Variants in CCDC60 observed in about 807,000 individuals in gnomAD.
CCDC60 encodes coiled-coil domain containing 60.
A neutral mutation model predicts 63.5 loss-of-function variants in CCDC60; 54 were observed. The ratio of observed to expected loss-of-function variants is 0.85; its 90% CI spans 0.68 to 1.07. The LOEUF is 1.07. Ranked by LOEUF, CCDC60 falls within the 50% of genes least tolerant of loss-of-function variation. CCDC60 has a pLI of 0.00. For synonymous variants in CCDC60, 206 were observed against 238.8 expected, an observed-to-expected ratio of 0.86 and a Z score of 1.27; for missense variants, 651 against 684.3, an observed-to-expected ratio of 0.95 and a Z score of 0.54.
intron 1 of CCDC60, among the ~76,000 whole-genome samples, chr12:119,426,261 A>G (rs1489681781): frequency 1.3e-5 from 2 of 151,912 alleles, no homozygotes; most frequent in African/African-American, 2.4e-5. Flanking sequence ...TTCCTATCCA[A>G]TTGGCCTGAT....
intron 2 of CCDC60, among the ~76,000 whole-genome samples, chr12:119,446,344 T>C (rs1950541735): frequency 6.6e-6 from 1 of 151,956 alleles, no homozygotes; most frequent in Non-Finnish European, 1.5e-5. Context: ...AGCACAAGGA[T>C]TGGGTGGAGA....
intron 1 of CCDC60, among the ~76,000 whole-genome samples, chr12:119,338,675 T>A (rs1193605649): frequency 6.6e-6 from 1 of 152,214 alleles, no homozygotes; most frequent in Non-Finnish European, 1.5e-5. Context: ...AATCATTGGC[T>A]TCAAATAGCT....
intron 1 of CCDC60, among the ~76,000 whole-genome samples, chr12:119,380,166 A>G (rs1357249389): frequency 6.6e-6 from 1 of 152,204 alleles, no homozygotes; most frequent in African/African-American, 2.4e-5. Flanking sequence ...TTAGATATAA[A>G]TCCCTTGGAA....
At chr12:119,373,679 T>C in intron 1 of CCDC60, among the ~76,000 whole-genome samples, 2 of 143,240 alleles carry the variant, frequency 1.4e-5, no homozygotes, top group African/African-American at 2.5e-5. Flanking sequence ...GGGGGGGGTC[T>C]CAGTTCCCTT....
At position 119,370,845 on chromosome 12, in the gene CCDC60, T is replaced by A. The variant is rs575416383; in HGVS notation, c.90+35579T>A. ...GAGTTTGAGACCAGCCTGGGCAACA[T>A]AGTGAGACCCCATCTCTACAAAATA... On this transcript the variant is annotated intron_variant, in intron 1 of 13. Transcript: ENST00000327554. Among the ~76,000 whole-genome samples the A allele has an allele frequency of 3.9e-5, 6 of 151,966 alleles. No individual in the cohort carries two copies. The East Asian group carries it at 1.2e-3, about 29-fold the overall frequency.
At chr12:119,464,921 A>T (rs1950923411) in intron 2 of CCDC60, among the ~76,000 whole-genome samples, 1 of 152,228 alleles carries the variant, frequency 6.6e-6, no homozygotes, top group Non-Finnish European at 1.5e-5. Context: ...CCCCAAATTC[A>T]TACATTGAAG....
chr12:119,392,066 G>T (rs754983794), intron 1 of CCDC60, among the ~76,000 whole-genome samples: 2 of 152,158 alleles, frequency 1.3e-5, no homozygotes, highest in Non-Finnish European at 2.9e-5. Context: ...TCAATCATAA[G>T]TAACATAAAC....
intron 1 of CCDC60, among the ~76,000 whole-genome samples, chr12:119,337,995 G>T (rs1012072171): frequency 6.6e-6 from 1 of 152,026 alleles, no homozygotes. Context: ...CTCTTTCTTG[G>T]GAGGAGGGTA....
chr12:119,522,641 G>A (rs1046567434), intron 9 of CCDC60, among the ~76,000 whole-genome samples: 7 of 152,166 alleles, frequency 4.6e-5, no homozygotes, highest in South Asian at 2.1e-4. Flanking sequence ...ATGCAGAGGC[G>A]GAAGGTCAAA....
intron 2 of CCDC60, chr12:119,433,517 G>T: frequency 1.4e-6 from 1 of 702,350 alleles, no homozygotes; most frequent in Non-Finnish European, 2.6e-6. Flanking sequence ...ATTAAGGAAG[G>T]AATCAGGATT....
rs902777943 is a variant in CCDC60 at position 119,410,124 on chromosome 12, G to A, written c.91-18559G>A. ...ACATTGTTATGTCAGGGGAAATCAG[G>A]ACACAAACAGTGCTACCATGTGTAT... On this transcript the variant is annotated intron_variant, in intron 1 of 13. Coordinates refer to ENST00000327554, the MANE Select transcript of CCDC60 (RefSeq NM_178499.5). This position sits in a 1 kb window ranked among gnomAD's most constrained non-coding sequence, Gnocchi z 4.0. Among the ~76,000 whole-genome samples, 1 of 151,940 alleles carries A rather than the reference G, an allele frequency of 6.6e-6. No individual in the cohort carries two copies. The highest frequency in any genetic ancestry group is 2.4e-5 in the African/African-American group (1 of 41,346).
chr12:119,523,102 C>A, intron 10 of CCDC60, 101 bp downstream of exon 10: 1 of 1,049,940 alleles, frequency 9.5e-7, no homozygotes, highest in Non-Finnish European at 1.5e-6. Flanking sequence ...GCAGACCAGA[C>A]TCCCTAAAGC....
At chr12:119,340,130 C>T (rs1307468152) in intron 1 of CCDC60, among the ~76,000 whole-genome samples, 1 of 152,188 alleles carries the variant, frequency 6.6e-6, no homozygotes, top group Non-Finnish European at 1.5e-5. Flanking sequence ...ATTAAACTAT[C>T]ACCTGTTTCA....
intron 4 of CCDC60, among the ~76,000 whole-genome samples, chr12:119,486,071 C>T (rs1163481038): frequency 6.6e-6 from 1 of 152,168 alleles, no homozygotes; most frequent in Non-Finnish European, 1.5e-5. Flanking sequence ...CTCTCACAAC[C>T]TCCTAGGGTT....
intron 1 of CCDC60, among the ~76,000 whole-genome samples, chr12:119,423,143 AG>A: frequency 6.6e-6 from 1 of 152,230 alleles, no homozygotes; most frequent in South Asian, 2.1e-4. Context: ...GAGAAGTAGG[AG>A]GGTTCTGAAT....
intron 2 of CCDC60, among the ~76,000 whole-genome samples, chr12:119,458,320 C>T (rs940540306): frequency 7.9e-5 from 12 of 152,312 alleles, no homozygotes; most frequent in African/African-American, 1.2e-4. Flanking sequence ...CTGCCTTTCC[C>T]GTCAAAGCAC....
Position 119,335,153 on chromosome 12 carries a change from G to A in CCDC60, c.-24G>A. The A allele has an allele frequency of 6.3e-7, 1 of 1,593,472 alleles. No individual in the cohort carries two copies. The highest frequency in any genetic ancestry group is 8.6e-7 in the Non-Finnish European group (1 of 1,168,398). ...AAAAATCCTTGTCTTGGGGGCACAG[G>A]CTAAAACCTGAAGGATTTTTAAGAT... On this transcript the variant is annotated 5_prime_UTR_variant, in exon 1 of 14. Coordinates refer to ENST00000327554, the MANE Select transcript of CCDC60 (RefSeq NM_178499.5).
In CCDC60 at chr12:119,420,586, G is replaced by A. The variant is rs10849662; in HGVS notation, c.91-8097G>A. Among the ~76,000 whole-genome samples the A allele has an allele frequency of 0.11, 17,393 of 152,112 alleles. 1,150 individuals are homozygous for A. The highest frequency in any genetic ancestry group is 0.22 in the South Asian group (1,040 of 4,814). ...GCTGGGAAGGATAGTGGGGGATGGG[G>A]GGCAGAAGGTGGGAATGGCTAACGG... On this transcript the variant is annotated intron_variant, in intron 1 of 13. Coordinates refer to ENST00000327554, the MANE Select transcript of CCDC60 (RefSeq NM_178499.5). The surrounding 1 kb of genome is among the most constrained non-coding windows in gnomAD (Gnocchi z 4.1).
At chr12:119,430,195 C>CACAT (rs1950201217) in intron 2 of CCDC60, among the ~76,000 whole-genome samples, 1 of 150,596 alleles carries the variant, frequency 6.6e-6, no homozygotes, top group Non-Finnish European at 1.5e-5. Context: ...CACACACACA[C>CACAT]ACACACATAC....
Sources: gnomAD v4.1 joint callset for allele counts (sites outside exome capture counted in the v4.1 genomes callset) on GRCh38, gnomAD v4.1.1 for gene constraint, Gnocchi (gnomAD v3.1) non-coding constraint, MANE v1.5 for transcripts, NCBI Gene and HGNC (gene_info 2026-07-23, HGNC 2026-07-21) for gene names.